The following RNF182 variants were observed in gnomAD, a reference collection of about 807,000 sequenced individuals.
The protein encoded by RNF182 is ring finger protein 182, also known as E3 ubiquitin-protein ligase RNF182.
Under a neutral mutation model 14.4 loss-of-function variants are expected in RNF182, and 15 were observed. That is an observed-to-expected ratio of 1.04 (90% CI 0.70 to 1.60). The LOEUF (loss-of-function observed/expected upper bound fraction) is 1.60. Among genes scored for constraint, RNF182 ranks in the 40% most tolerant of loss-of-function variants. The probability of loss-of-function intolerance (pLI) is 0.00; values close to 1 mark genes in which losing one functional copy is unlikely to be tolerated. For missense variants in RNF182, 268 were observed against 294.8 expected (o/e 0.91, Z 0.67); for synonymous variants, 128 against 122.9 (o/e 1.04, Z -0.27).
At chr6:13,948,158 A>G (rs1192057) in intron 1 of RNF182, among the ~76,000 whole-genome samples, 122,642 of 152,086 alleles carry the variant, frequency 0.81, 50,610 homozygotes, top group Middle Eastern at 0.91. Flanking sequence ...TTATGAATAC[A>G]TTAGTTTTCC....
intron 1 of RNF182, among the ~76,000 whole-genome samples, chr6:13,927,853 G>A (rs1758866811): frequency 6.6e-6 from 1 of 152,198 alleles, no homozygotes; most frequent in Non-Finnish European, 1.5e-5. Flanking sequence ...GTTTTTAAAT[G>A]ATTTCTTCAT....
chr6:13,962,579 A>G (rs1371605408), intron 1 of RNF182, among the ~76,000 whole-genome samples: 1 of 152,236 alleles, frequency 6.6e-6, no homozygotes, highest in Non-Finnish European at 1.5e-5. Flanking sequence ...ACCATTTATA[A>G]AAACAGAAAC....
chr6:13,966,772 AC>A (rs1214788959), intron 1 of RNF182, among the ~76,000 whole-genome samples: 3 of 34,090 alleles, frequency 8.8e-5, no homozygotes, highest in Admixed American at 5.0e-4. Context: ...CCACCCCCCC[AC>A]CCCCCCACCA....
At position 13,980,198 on chromosome 6, in the gene RNF182, G is replaced by GTTTTT. The variant is rs559775648; in HGVS notation, c.*2338_*2342dup. On this transcript the variant is annotated 3_prime_UTR_variant, in exon 3 of 3. Coordinates refer to ENST00000488300, the MANE Select transcript of RNF182 (RefSeq NM_152737.4). Reference sequence around the variant, plus strand: ...ATCACACTTTTAAAAGGCCTTCATAGTTTTTTTATTTTATTTTATTTTATT... The same window carrying GTTTTT: ...ATCACACTTTTAAAAGGCCTTCATAGTTTTTTTTTTTTATTTTATTTTATTTTATT... 2 of 88,672 alleles carry GTTTTT rather than the reference G, an allele frequency of 2.3e-5. No homozygotes were observed. Among genetic ancestry groups the GTTTTT allele is most frequent in the East Asian group, 3.6e-4 (1 of 2,758 alleles). The allele number at this position is 88,672 out of a possible 1,614,324, so 5.5% of individuals were successfully genotyped here. A position where few individuals can be genotyped will look rare whatever the true frequency, so the allele number is the denominator to read the frequency against.
At chr6:13,933,744 A>G (rs1434966113) in intron 1 of RNF182, among the ~76,000 whole-genome samples, 1 of 152,190 alleles carries the variant, frequency 6.6e-6, no homozygotes, top group Admixed American at 6.5e-5. Context: ...GAGGCCAGGC[A>G]TGGTGGCTTA....
At chr6:13,939,823 G>A (rs1489956440) in intron 1 of RNF182, among the ~76,000 whole-genome samples, 1 of 152,212 alleles carries the variant, frequency 6.6e-6, no homozygotes, top group Non-Finnish European at 1.5e-5. Flanking sequence ...GATTACAGGC[G>A]TGAGCCACTG....
intron 1 of RNF182, among the ~76,000 whole-genome samples, chr6:13,972,330 T>C (rs1287444043): frequency 6.9e-6 from 1 of 145,618 alleles, no homozygotes; most frequent in Non-Finnish European, 1.5e-5. Context: ...AAGCAGGGCA[T>C]AAAAGTTGAG....
chr6:13,970,655 A>C (rs1385861482), intron 1 of RNF182, among the ~76,000 whole-genome samples: 1 of 152,132 alleles, frequency 6.6e-6, no homozygotes, highest in Non-Finnish European at 1.5e-5. Context: ...TTTTTTGAGA[A>C]ATGTTTATAC....
chr6:13,951,212 A>G (rs1195728944), intron 1 of RNF182, among the ~76,000 whole-genome samples: 1 of 152,164 alleles, frequency 6.6e-6, no homozygotes, highest in Non-Finnish European at 1.5e-5. Flanking sequence ...AATATTTTTT[A>G]TTTGCCAGTT....
chr6:13,941,311 C>T (rs190671654), intron 1 of RNF182, among the ~76,000 whole-genome samples: 2 of 152,186 alleles, frequency 1.3e-5, no homozygotes, highest in Admixed American at 1.3e-4. Context: ...CTCTGTAGCT[C>T]TCATAATGGT....
chr6:13,961,619 T>A (rs1759885737), intron 1 of RNF182: 1 of 152,242 alleles, frequency 6.6e-6, no homozygotes, highest in Non-Finnish European at 1.5e-5. Flanking sequence ...GGTTTAAAAC[T>A]GCTGGCAAAC....
At chr6:13,956,556 C>T (rs1448566095) in intron 1 of RNF182, among the ~76,000 whole-genome samples, 2 of 152,156 alleles carry the variant, frequency 1.3e-5, no homozygotes, top group Non-Finnish European at 2.9e-5. Context: ...AACTCCTGAC[C>T]TCAGGTGATC....
At chr6:13,949,352 G>T (rs1376021922) in intron 1 of RNF182, 1 of 767,006 alleles carries the variant, frequency 1.3e-6, no homozygotes, top group Non-Finnish European at 2.4e-6. Flanking sequence ...GCTTCCAAGT[G>T]TCCTGAAGCT....
intron 1 of RNF182, among the ~76,000 whole-genome samples, chr6:13,932,837 A>G (rs1759007041): frequency 6.6e-6 from 1 of 152,216 alleles, no homozygotes; most frequent in Admixed American, 6.5e-5. Flanking sequence ...AAGTAATAAT[A>G]CAAGTCTGAT....
intron 1 of RNF182, among the ~76,000 whole-genome samples, chr6:13,960,048 G>A (rs1300971947): frequency 6.6e-6 from 1 of 152,222 alleles, no homozygotes; most frequent in East Asian, 1.9e-4. Flanking sequence ...CAGTGAACTA[G>A]GAGGAAAGCT....
intron 1 of RNF182, among the ~76,000 whole-genome samples, chr6:13,963,249 G>A (rs1478510255): frequency 6.6e-6 from 1 of 152,154 alleles, no homozygotes; most frequent in African/African-American, 2.4e-5. Context: ...CAAGATGTAT[G>A]GATTGGACAG....
chr6:13,976,770 G>T, intron 2 of RNF182, 139 bp from the exon 3 acceptor site: 1 of 246,424 alleles, frequency 4.1e-6, no homozygotes. Flanking sequence ...ACAGAAGTGT[G>T]TGAAAAGATG....
At chr6:13,936,102 G>A (rs1585031085) in intron 1 of RNF182, among the ~76,000 whole-genome samples, 1 of 152,200 alleles carries the variant, frequency 6.6e-6, no homozygotes, top group South Asian at 2.1e-4. Flanking sequence ...GATCTCCTGA[G>A]AATTCTGTCG....
chr6:13,975,489 A>G (rs1760299261), intron 2 of RNF182, among the ~76,000 whole-genome samples: 1 of 152,186 alleles, frequency 6.6e-6, no homozygotes, highest in African/African-American at 2.4e-5. Context: ...AATCCTACCT[A>G]CATTTTTGGC....
Sources: allele counts gnomAD v4.1 joint callset (sites outside exome capture counted in the v4.1 genomes callset), GRCh38; gene constraint gnomAD v4.1.1; transcripts MANE v1.5; gene names NCBI Gene and HGNC (gene_info 2026-07-23, HGNC 2026-07-21).